Variants in MARCHF1 observed in about 807,000 individuals in gnomAD.
The protein encoded by MARCHF1 is membrane associated ring-CH-type finger 1.
MARCHF1 carries 40 observed loss-of-function variants against 54.2 expected under a neutral mutation model. The observed-to-expected ratio is 0.74, with a 90% confidence interval of 0.57 to 0.96. MARCHF1 has a LOEUF of 0.96. Among genes scored for constraint, MARCHF1 ranks in the 40% least tolerant of loss-of-function variants. MARCHF1 has a pLI of 0.00. For synonymous variants in MARCHF1, 236 were observed against 236.3 expected (o/e 1.00, Z 0.01); for missense variants, 586 against 656.5 (o/e 0.89, Z 1.17).
chr4:163,914,361 C>T (rs779524755), intron 3 of MARCHF1, among the ~76,000 whole-genome samples: 2 of 152,010 alleles, frequency 1.3e-5, no homozygotes, highest in South Asian at 2.1e-4. Flanking sequence ...GTGAAATTGT[C>T]GAGCTTCATT....
Position 163,669,823 on chromosome 4 carries a change from T to G in MARCHF1, c.162+30990A>C, listed in dbSNP as rs1743668712. ...CATGTTAGCCAGGGTGATCTTGAAC[T>G]TCTGAGCTCAAGCATCTGCCCACCT... On this transcript the variant is annotated intron_variant, in intron 5 of 9. Coordinates refer to ENST00000514618, the MANE Select transcript of MARCHF1 (RefSeq NM_001394959.1). 2.6e-5 allele frequency among the ~76,000 whole-genome samples: 4 copies of G among 152,072 alleles called. No homozygotes were observed. The South Asian group carries it at 6.2e-4, about 24-fold the overall frequency.
At chr4:164,259,733 C>T (rs1421853135) in intron 1 of MARCHF1, among the ~76,000 whole-genome samples, 1 of 151,876 alleles carries the variant, frequency 6.6e-6, no homozygotes, top group Non-Finnish European at 1.5e-5. Flanking sequence ...TCTATGTGTC[C>T]CTTGAAATAG....
intron 3 of MARCHF1, among the ~76,000 whole-genome samples, chr4:163,868,300 T>C (rs1262785661): frequency 6.6e-6 from 1 of 151,940 alleles, no homozygotes; most frequent in African/African-American, 2.4e-5. Context: ...TTTTGCTGTC[T>C]ACATGAAAAA....
At chr4:164,057,891 G>C (rs1754530257) in intron 2 of MARCHF1, among the ~76,000 whole-genome samples, 1 of 152,012 alleles carries the variant, frequency 6.6e-6, no homozygotes, top group Non-Finnish European at 1.5e-5. Flanking sequence ...TCAATCTCTA[G>C]ACTGGATTAA....
At chr4:164,179,898 A>C (rs1730788271) in intron 1 of MARCHF1, among the ~76,000 whole-genome samples, 1 of 150,750 alleles carries the variant, frequency 6.6e-6, no homozygotes, top group East Asian at 1.9e-4. Flanking sequence ...AATAATTTCC[A>C]GAGGGAGAAT....
intron 3 of MARCHF1, among the ~76,000 whole-genome samples, chr4:163,905,027 T>A (rs556969835): frequency 6.6e-6 from 1 of 152,240 alleles, no homozygotes; most frequent in East Asian, 1.9e-4. Context: ...TTAAGATATA[T>A]CATTAATAAA....
At position 164,313,348 on chromosome 4, in the gene MARCHF1, C is replaced by CAAAAAA. The variant is rs553280791; in HGVS notation, c.-323+70516_-323+70521dup. Among the ~76,000 whole-genome samples, 470 of 80,088 alleles carry CAAAAAA rather than the reference C, an allele frequency of 5.9e-3. 13 individuals carry two copies. Among genetic ancestry groups the CAAAAAA allele is most frequent in the African/African-American group, 0.012 (254 of 21,214 alleles). The allele number at this position is 80,088 out of a possible 152,430, so 52.5% of individuals were successfully genotyped here. A position where few individuals can be genotyped will look rare whatever the true frequency, so the allele number is the denominator to read the frequency against. On this transcript the variant is annotated intron_variant, in intron 1 of 9. Transcript: ENST00000514618. ...TGGGTGGCAGAGCAAGACTCTGTCT[C>CAAAAAA]AAAAAAAAAAAAAAAAAAAGTGTAG... is the stretch of plus-strand genomic sequence containing the variant.
chr4:164,242,034 G>T (rs547931424), intron 1 of MARCHF1, among the ~76,000 whole-genome samples: 3 of 152,334 alleles, frequency 2.0e-5, no homozygotes, highest in East Asian at 1.9e-4. Flanking sequence ...ACTGCAAGGC[G>T]GCAGCGAGGC....
intron 2 of MARCHF1, among the ~76,000 whole-genome samples, chr4:164,021,759 G>A (rs565607568): frequency 1.3e-5 from 2 of 151,832 alleles, no homozygotes; most frequent in Admixed American, 6.6e-5. Flanking sequence ...CAGGAGATGC[G>A]GACAGAATTG....
chr4:163,863,979 C>T (rs1749996173), intron 3 of MARCHF1, among the ~76,000 whole-genome samples: 1 of 151,844 alleles, frequency 6.6e-6, no homozygotes, highest in South Asian at 2.1e-4. Context: ...CAGATTATGA[C>T]CCAAAGTATA....
chr4:163,885,323 T>G (rs1397585490), intron 3 of MARCHF1, among the ~76,000 whole-genome samples: 1 of 152,142 alleles, frequency 6.6e-6, no homozygotes, highest in Non-Finnish European at 1.5e-5. Flanking sequence ...TTTAATGTAG[T>G]TTAATAAATT....
intron 1 of MARCHF1, among the ~76,000 whole-genome samples, chr4:164,325,472 A>G (rs989625558): frequency 1.3e-5 from 2 of 152,012 alleles, no homozygotes; most frequent in Admixed American, 1.3e-4. Context: ...ATTAAGTTGG[A>G]ACCCTTTCTT....
At chr4:164,238,084 C>CTTTA (rs1732618305) in intron 1 of MARCHF1, among the ~76,000 whole-genome samples, 1 of 152,074 alleles carries the variant, frequency 6.6e-6, no homozygotes, top group South Asian at 2.1e-4. Context: ...CCATTATAAG[C>CTTTA]TTTAAGTAGA....
chr4:164,358,913 C>A (rs1730642277), intron 1 of MARCHF1, among the ~76,000 whole-genome samples: 1 of 152,038 alleles, frequency 6.6e-6, no homozygotes, highest in African/African-American at 2.4e-5. Flanking sequence ...CTCCAAAGGT[C>A]ATTTTTTCAT....
intron 4 of MARCHF1, among the ~76,000 whole-genome samples, chr4:163,845,061 A>G (rs1176739329): frequency 6.6e-6 from 1 of 152,178 alleles, no homozygotes; most frequent in Non-Finnish European, 1.5e-5. Context: ...CTCTCTGTAT[A>G]AGGAGAAGAG....
At chr4:164,003,442 A>G (rs1291917211) in intron 2 of MARCHF1, among the ~76,000 whole-genome samples, 6 of 152,120 alleles carry the variant, frequency 3.9e-5, no homozygotes, top group Non-Finnish European at 8.8e-5. Context: ...TCAACGAAAA[A>G]GTACTTTGAA....
At chr4:164,351,870 T>G (rs1235134652) in intron 1 of MARCHF1, among the ~76,000 whole-genome samples, 2 of 151,126 alleles carry the variant, frequency 1.3e-5, no homozygotes, top group Admixed American at 6.6e-5. Context: ...TGAAAAAAAT[T>G]TAGAAGAATG....
chr4:163,882,846 G>A (rs1750447180), intron 3 of MARCHF1, among the ~76,000 whole-genome samples: 1 of 152,112 alleles, frequency 6.6e-6, no homozygotes, highest in East Asian at 1.9e-4. Flanking sequence ...GTGCACTGGT[G>A]CATGTCTGTA....
At chr4:164,147,946 G>T (rs557945515) in intron 1 of MARCHF1, among the ~76,000 whole-genome samples, 4 of 151,578 alleles carry the variant, frequency 2.6e-5, no homozygotes, top group Non-Finnish European at 5.9e-5. Context: ...GATAAATATA[G>T]CAAAGTATAA....
Sources: gnomAD v4.1 joint callset for allele counts (sites outside exome capture counted in the v4.1 genomes callset) on GRCh38, gnomAD v4.1.1 for gene constraint, MANE v1.5 for transcripts, NCBI Gene and HGNC (gene_info 2026-07-23, HGNC 2026-07-21) for gene names.